Variants in TRAP1 observed in about 807,000 individuals in gnomAD.
TRAP1 encodes the protein TNF receptor associated protein 1, also known as heat shock protein 75 kDa, mitochondrial.
Under a neutral mutation model 89.1 loss-of-function variants are expected in TRAP1, and 102 were observed. That is an observed-to-expected ratio of 1.15 (90% CI 0.98 to 1.35). The LOEUF (loss-of-function observed/expected upper bound fraction) is 1.35, where lower values mean the gene tolerates loss of function less well. Among genes scored for constraint, TRAP1 ranks in the 40% most tolerant of loss-of-function variants. The pLI is 0.00. For synonymous variants in TRAP1, 508 were observed against 388.0 expected, an observed-to-expected ratio of 1.31 and a Z score of -3.64; for missense variants, 1,256 against 945.3, an observed-to-expected ratio of 1.33 and a Z score of -4.31.
chr16:3,658,780 C>A lies in TRAP1; in HGVS notation c.2013+13G>T. ...CCTGGGTCCCTGCAGTCATCCTAAG[C>A]TGCTGCACTCACCTGATCCACCAGC... is the stretch of plus-strand genomic sequence containing the variant. On this transcript the variant is annotated intron_variant, in intron 17 of 17. Coordinates refer to ENST00000246957, the MANE Select transcript of TRAP1 (RefSeq NM_016292.3). 1 of 1,612,874 alleles carries A rather than the reference C, an allele frequency of 6.2e-7. No individual in the cohort carries two copies. Among genetic ancestry groups the A allele is most frequent in the Non-Finnish European group, 8.5e-7 (1 of 1,179,496 alleles).
intron 1 of TRAP1, among the ~76,000 whole-genome samples, chr16:3,701,472 G>A (rs1029438436): frequency 6.7e-6 from 1 of 149,754 alleles, no homozygotes; most frequent in Non-Finnish European, 1.5e-5. Flanking sequence ...AGAATCGCTT[G>A]AACCCGAGGC....
At chr16:3,686,863 CAGG>C (rs1174550719) in intron 3 of TRAP1, 1 of 152,294 alleles carries the variant, frequency 6.6e-6, no homozygotes, top group East Asian at 1.9e-4. Flanking sequence ...CCCAGCTACT[CAGG>C]AGGCTGAGGC....
At position 3,710,245 on chromosome 16, in the gene TRAP1, T is replaced by C. The variant is rs573134920; in HGVS notation, c.88+7176A>G. ...CTCATGGAAGACTACTGGCCCCATATGAAATCCATCTCATTCTAACAATTT... is the reference window on the plus strand; with the variant it reads ...CTCATGGAAGACTACTGGCCCCATACGAAATCCATCTCATTCTAACAATTT... On this transcript the variant is annotated intron_variant, in intron 1 of 17. Coordinates refer to ENST00000246957, the MANE Select transcript of TRAP1 (RefSeq NM_016292.3). 3 of 152,362 alleles carry C rather than the reference T, an allele frequency of 2.0e-5. No individual in the cohort carries two copies. In the South Asian group the frequency reaches 6.2e-4, roughly 32 times the overall value. The allele number at this position is 152,362 out of a possible 1,614,324, so 9.4% of individuals were successfully genotyped here. A position where few individuals can be genotyped will look rare whatever the true frequency, so the allele number is the denominator to read the frequency against.
intron 1 of TRAP1, among the ~76,000 whole-genome samples, chr16:3,700,321 C>T (rs1333628471): frequency 6.6e-6 from 1 of 152,020 alleles, no homozygotes; most frequent in Non-Finnish European, 1.5e-5. Flanking sequence ...GCATGTGCCA[C>T]CACGCCTGGC....
chr16:3,675,354 G>A lies in TRAP1; in HGVS notation c.858C>T (p.Tyr286=), dbSNP rs117657810. The A allele has an allele frequency of 4.3e-6, 7 of 1,614,116 alleles. No individual in the cohort carries two copies. Among genetic ancestry groups the A allele is most frequent in the African/African-American group, 2.7e-5 (2 of 75,054 alleles). Residue 286 remains tyrosine, a synonymous_variant, in exon 8 of 18, where the codon TAC becomes TAT. Transcript: ENST00000246957. ...AGGTGTTCATCCGCCTTCCATTCAA[G>A]TACAAGGGGAAGCTGACGAAGTTGC... The part of the protein sequence containing the change: ...KYSNFVSFPL[Y]LNGRRMNTLQ...
chr16:3,691,022 G>A (rs1056968755), intron 1 of TRAP1, 37 bp from the exon 2 acceptor site: 5 of 1,424,810 alleles, frequency 3.5e-6, no homozygotes, highest in African/African-American at 1.5e-5. Flanking sequence ...TGAGAATTAG[G>A]AAGACACGAG....
At chr16:3,692,120 G>A (rs1234662661) in intron 1 of TRAP1, among the ~76,000 whole-genome samples, 2 of 152,192 alleles carry the variant, frequency 1.3e-5, no homozygotes, top group Admixed American at 6.5e-5. Flanking sequence ...AGCCAGCCAC[G>A]CCGTGTCAAA....
At position 3,674,394 on chromosome 16, in the gene TRAP1, T is replaced by A; in HGVS notation, c.989A>T (p.His330Leu). 6.2e-7 allele frequency: 1 copy of A among 1,614,124 alleles called. No individual in the cohort carries two copies. Among genetic ancestry groups the A allele is most frequent in the South Asian group, 1.1e-5 (1 of 91,088 alleles). Residue 330 changes from histidine to leucine, a missense_variant, in exon 9 of 18, where the codon CAC becomes CTC. By Grantham distance (99) the His-to-Leu change is moderately conservative. Transcript: ENST00000246957. Reference protein sequence around the residue: ...QAHDKPRYTLHYKTDAPLNIR... With the variant: ...QAHDKPRYTLLYKTDAPLNIR... ...GTTGAGCGGTGCGTCCGTCTTATAG[T>A]GCAGGGTGTAGCGGGGCTTGTCGTG...
intron 11 of TRAP1, among the ~76,000 whole-genome samples, chr16:3,669,940 G>A (rs1006777165): frequency 2.0e-5 from 3 of 151,860 alleles, no homozygotes; most frequent in Non-Finnish European, 2.9e-5. Context: ...GCAGCCCCGA[G>A]GGACGGGATC....
At chr16:3,700,110 A>C (rs1285138550) in intron 1 of TRAP1, among the ~76,000 whole-genome samples, 1 of 152,192 alleles carries the variant, frequency 6.6e-6, no homozygotes, top group Non-Finnish European at 1.5e-5. Flanking sequence ...CACTCTTTGA[A>C]GACAGGAACA....
chr16:3,667,953 G>A (rs1396190539), intron 11 of TRAP1, among the ~76,000 whole-genome samples: 1 of 105,204 alleles, frequency 9.5e-6, no homozygotes, highest in African/African-American at 3.7e-5. Flanking sequence ...TTTTTGAGAT[G>A]AGTCTCGCTC....
chr16:3,704,585 C>T (rs75912689), intron 1 of TRAP1, among the ~76,000 whole-genome samples: 2 of 152,154 alleles, frequency 1.3e-5, no homozygotes, highest in African/African-American at 2.4e-5. Context: ...GCTGCTCACA[C>T]CTGTAATCCC....
intron 12 of TRAP1, chr16:3,665,218 C>T (rs1761507317): frequency 6.6e-6 from 1 of 152,198 alleles, no homozygotes; most frequent in Non-Finnish European, 1.5e-5. Context: ...CTGCCGAAGT[C>T]GGCAAACAAC....
Position 3,700,293 on chromosome 16 carries a change from G to C in TRAP1, c.89-9308C>G, listed in dbSNP as rs371487342. 6.0e-5 allele frequency among the ~76,000 whole-genome samples: 9 copies of C among 150,006 alleles called. No individual in the cohort carries two copies. The East Asian group carries it at 1.6e-3, about 27-fold the overall frequency. ...AGCGATTCTCCTGCCTCAGCCTCCC[G>C]AGTAGCTGAGATTACAGGCATGTGC... On this transcript the variant is annotated intron_variant, in intron 1 of 17. Coordinates refer to ENST00000246957, the MANE Select transcript of TRAP1 (RefSeq NM_016292.3).
intron 1 of TRAP1, among the ~76,000 whole-genome samples, chr16:3,698,322 T>C (rs1008221277): frequency 2.0e-5 from 3 of 151,820 alleles, no homozygotes; most frequent in African/African-American, 4.8e-5. Flanking sequence ...CAACAACTTT[T>C]TTTTTTTTTT....
At chr16:3,674,726 G>T in intron 8 of TRAP1, 1 of 563,144 alleles carries the variant, frequency 1.8e-6, no homozygotes, top group Non-Finnish European at 3.2e-6. Flanking sequence ...ATGTCAGGAG[G>T]ACCAGCCGGG....
At chr16:3,708,284 G>C (rs1596755349) in intron 1 of TRAP1, among the ~76,000 whole-genome samples, 1 of 152,068 alleles carries the variant, frequency 6.6e-6, no homozygotes, top group South Asian at 2.1e-4. Flanking sequence ...TCAAGAGTTT[G>C]AGACTAGCCT....
chr16:3,704,683 C>A (rs559328518), intron 1 of TRAP1, among the ~76,000 whole-genome samples: 171 of 152,172 alleles, frequency 1.1e-3, no homozygotes, highest in African/African-American at 3.9e-3. Context: ...GGAGACCCCC[C>A]CAACTCTCAA....
chr16:3,661,926 A>C (rs746210198), intron 16 of TRAP1, 61 bp downstream of exon 16: 144 of 1,516,444 alleles, frequency 9.5e-5, no homozygotes, highest in South Asian at 2.3e-4. Context: ...CAACAAAAGA[A>C]CACCACACAC....
Sources: gnomAD v4.1 joint callset for allele counts (sites outside exome capture counted in the v4.1 genomes callset) on GRCh38, gnomAD v4.1.1 for gene constraint, MANE v1.5 for transcripts, NCBI Gene and HGNC (gene_info 2026-07-23, HGNC 2026-07-21) for gene names.